Variants in CSTF1 observed in about 807,000 individuals in gnomAD.
CSTF1 encodes the protein cleavage stimulation factor subunit 1, also known as CF-1 50 kDa subunit.
In CSTF1, 2 loss-of-function variants were observed where a neutral mutation model predicts 40.9. The observed-to-expected ratio is 0.05, with a 90% confidence interval of 0.02 to 0.15. The LOEUF (loss-of-function observed/expected upper bound fraction) is 0.15, where lower values mean the gene tolerates loss of function less well. Ranked by LOEUF, CSTF1 falls within the 10% of genes least tolerant of loss-of-function variation. CSTF1 has a pLI of 1.00. For missense variants in CSTF1, 279 were observed against 558.9 expected (o/e 0.50, Z 5.05); for synonymous variants, 218 against 207.2 (o/e 1.05, Z -0.45).
chr20:56,402,238 C>T (rs951085465), intron 5 of CSTF1, among the ~76,000 whole-genome samples: 1 of 147,548 alleles, frequency 6.8e-6, no homozygotes, highest in Admixed American at 6.8e-5. Flanking sequence ...ACCCAGGAGG[C>T]AGAGGTTGCA....
At position 56,399,174 on chromosome 20, in the gene CSTF1, T is replaced by A. The variant is rs762310241; in HGVS notation, c.853T>A (p.Cys285Ser). The A allele has an allele frequency of 6.2e-7, 1 of 1,614,244 alleles. No individual in the cohort carries two copies. Among genetic ancestry groups the A allele is most frequent in the Admixed American group, 1.7e-5 (1 of 60,026 alleles). ...NMYVTGSKDG[C>S]IKLWDGVSNR... is the part of the protein sequence containing the mutation. ...GTACGTAACTGGAAGCAAGGACGGC[T>A]GCATCAAATTATGGGATGGTGTTTC... Residue 285 changes from cysteine to serine, a missense_variant, in exon 5 of 6, where the codon TGC (cysteine) becomes AGC (serine). Coordinates refer to ENST00000217109, the MANE Select transcript of CSTF1 (RefSeq NM_001324.3). This position sits in a 1 kb window ranked among gnomAD's most constrained non-coding sequence, Gnocchi z 4.6.
Position 56,399,959 on chromosome 20 carries a change from A to G in CSTF1, c.1036+602A>G, listed in dbSNP as rs1244135381. Among the ~76,000 whole-genome samples the G allele has an allele frequency of 1.3e-5, 2 of 152,210 alleles. No homozygotes were observed. Among genetic ancestry groups the G allele is most frequent in the Admixed American group, 1.3e-4 (2 of 15,278 alleles). On this transcript the variant is annotated intron_variant, in intron 5 of 5. Transcript: ENST00000217109. The surrounding 1 kb of genome is among the most constrained non-coding windows in gnomAD (Gnocchi z 4.6). Reference sequence around the variant, plus strand: ...ATCCATTTAAATTTATCCTATCACTAGTAGGGCCCAAGTCTGGTTATTTGA... The same window carrying G: ...ATCCATTTAAATTTATCCTATCACTGGTAGGGCCCAAGTCTGGTTATTTGA...
At chr20:56,393,163 C>T (rs6064388) in intron 1 of CSTF1, among the ~76,000 whole-genome samples, 1 of 19,636 alleles carries the variant, frequency 5.1e-5, no homozygotes, top group Non-Finnish European at 1.4e-4. Context: ...TATATATACA[C>T]ACACATATGT....
At position 56,403,511 on chromosome 20, in the gene CSTF1, G is replaced by A. The variant is rs756927104; in HGVS notation, c.1080G>A (p.Val360=). Residue 360 remains valine (V), a synonymous_variant, in exon 6 of 6, where the codon GTG becomes GTA. Transcript: ENST00000217109. ...GCCAGGTGCACCGGACACAGGCTGTGTTTAACCACACCGAGGACTATGTGT... is the reference window on the plus strand; with the variant it reads ...GCCAGGTGCACCGGACACAGGCTGTATTTAACCACACCGAGGACTATGTGT... ...SGRQVHRTQA[V]FNHTEDYVLL... 4.3e-6 allele frequency: 7 copies of A among 1,614,144 alleles called. No homozygotes were observed. Among genetic ancestry groups the A allele is most frequent in the Non-Finnish European group, 5.9e-6 (7 of 1,180,030 alleles).
rs530743151 is a variant in CSTF1, at chr20:56,401,289, CAG to C, written c.1036+1933_1036+1934del. Among the ~76,000 whole-genome samples the C allele has an allele frequency of 4.2e-3, 645 of 152,186 alleles. 4 individuals are homozygous for C. The highest frequency in any genetic ancestry group is 0.015 in the African/African-American group (622 of 41,518). On this transcript the variant is annotated intron_variant, in intron 5 of 5. Coordinates refer to ENST00000217109, the MANE Select transcript of CSTF1 (RefSeq NM_001324.3). Reference sequence around the variant, plus strand: ...ACTCGAGAAAAAAGGAGCCAAAGGACAGGGGGCTGCAGAAGAGAAAAATGGTC... The same window carrying C: ...ACTCGAGAAAAAAGGAGCCAAAGGACGGGGCTGCAGAAGAGAAAAATGGTC...
At position 56,393,168 on chromosome 20, in the gene CSTF1, A is replaced by ACATG. The variant is rs1491479192; in HGVS notation, c.-33+455_-33+456insCATG. ...CACATATACATATATATACACACAC[A>ACATG]TATGTGTGTGTGTGTGTGTGTATGT... On this transcript the variant is annotated intron_variant, in intron 1 of 5. Transcript: ENST00000217109. Among the ~76,000 whole-genome samples the ACATG allele has an allele frequency of 1.6e-4, 17 of 106,026 alleles. 1 individual carries two copies. Among genetic ancestry groups the ACATG allele is most frequent in the African/African-American group, 5.9e-4 (15 of 25,244 alleles). The allele number at this position is 106,026 out of a possible 152,430, so 69.6% of individuals were successfully genotyped here.
rs1978696933 is a variant in CSTF1, at chr20:56,406,188, C to A, written c.*2461C>A. On this transcript the variant is annotated 3_prime_UTR_variant, in exon 6 of 6. Coordinates refer to ENST00000217109, the MANE Select transcript of CSTF1 (RefSeq NM_001324.3). ...TTTTAAAGGTCACAGTGTTGTGAGCCTGGTGTAAATGCCAGGAATATTATA... is the reference window on the plus strand; with the variant it reads ...TTTTAAAGGTCACAGTGTTGTGAGCATGGTGTAAATGCCAGGAATATTATA... The A allele has an allele frequency of 6.6e-6, 1 of 151,970 alleles. No homozygotes were observed. The highest frequency in any genetic ancestry group is 1.5e-5 in the Non-Finnish European group (1 of 68,026). 9.4% of individuals were successfully genotyped at this position (151,970 alleles called of 1,614,324 possible).
Position 56,403,739 on chromosome 20 carries a change from C to T in CSTF1, c.*12C>T, listed in dbSNP as rs181401266. ...CGACCACTGACTGAGCCACCCTCTC[C>T]GTAGGGTTCTTTCTCGAGGACTCTA... On this transcript the variant is annotated 3_prime_UTR_variant, in exon 6 of 6. Coordinates refer to ENST00000217109, the MANE Select transcript of CSTF1 (RefSeq NM_001324.3). The T allele has an allele frequency of 1.8e-4, 283 of 1,604,298 alleles. No individual in the cohort carries two copies. In the African/African-American group the frequency reaches 3.1e-3, roughly 18 times the overall value.
intron 2 of CSTF1, chr20:56,396,032 C>A (rs1038681364): frequency 2.1e-5 from 5 of 235,384 alleles, no homozygotes; most frequent in Middle Eastern, 1.3e-3. Context: ...TCTCTTAACT[C>A]CTCCTAAAAT....
Position 56,397,865 on chromosome 20 carries a change from T to G in CSTF1, c.645+24T>G, listed in dbSNP as rs1326218003. 6.4e-7 allele frequency: 1 copy of G among 1,554,478 alleles called. No homozygotes were observed. The highest frequency in any genetic ancestry group is 1.1e-5 in the South Asian group (1 of 88,470). On this transcript the variant is annotated intron_variant, in intron 4 of 5. Transcript: ENST00000217109. The surrounding 1 kb of genome is among the most constrained non-coding windows in gnomAD (Gnocchi z 4.4). ...AGGTAGGAATCTTTAGAAAGGAGCT[T>G]TACATTTTTTCTTAAATACAATGAG...
At position 56,405,144 on chromosome 20, in the gene CSTF1, T is replaced by C. The variant is rs1978651384; in HGVS notation, c.*1417T>C. ...ATAATCTGGGATCATTTGATAAAAATAGTAAATAGATTGAAGTAAAAGTCA... is the reference window on the plus strand; with the variant it reads ...ATAATCTGGGATCATTTGATAAAAACAGTAAATAGATTGAAGTAAAAGTCA... On this transcript the variant is annotated 3_prime_UTR_variant, in exon 6 of 6. Coordinates refer to ENST00000217109, the MANE Select transcript of CSTF1 (RefSeq NM_001324.3). The C allele has an allele frequency of 6.6e-6, 1 of 152,126 alleles. No homozygotes were observed. Among genetic ancestry groups the C allele is most frequent in the Non-Finnish European group, 1.5e-5 (1 of 68,022 alleles). 9.4% of individuals were successfully genotyped at this position (152,126 alleles called of 1,614,324 possible).
Position 56,399,506 on chromosome 20 carries a change from T to TA in CSTF1, c.1036+150dup, listed in dbSNP as rs1978362038. On this transcript the variant is annotated intron_variant, in intron 5 of 5. Transcript: ENST00000217109. The surrounding 1 kb of genome is among the most constrained non-coding windows in gnomAD (Gnocchi z 4.6). ...TCTTAGATAAGAGGAAACCAAGACT[T>TA]ACAGGTTAAGTCATTTAGCCAAGGC... 6 of 762,154 alleles carry TA rather than the reference T, an allele frequency of 7.9e-6. No homozygotes were observed. In the Middle Eastern group the frequency reaches 1.2e-3, roughly 148 times the overall value. 47.2% of individuals were successfully genotyped at this position (762,154 alleles called of 1,614,324 possible).
At chr20:56,400,017 T>G (rs953906503) in intron 5 of CSTF1, among the ~76,000 whole-genome samples, 8 of 152,230 alleles carry the variant, frequency 5.3e-5, no homozygotes, top group African/African-American at 1.9e-4. Flanking sequence ...TTCTGTTCCT[T>G]GTAGCAGCAA....
chr20:56,399,205 G>A lies in CSTF1; in HGVS notation c.884G>A (p.Arg295Gln), dbSNP rs752004919. 1.2e-6 allele frequency: 2 copies of A among 1,614,168 alleles called. No individual in the cohort carries two copies. Among genetic ancestry groups the A allele is most frequent in the Non-Finnish European group, 1.7e-6 (2 of 1,180,034 alleles). The change falls in exon 5 of 6, where the codon CGA (arginine) becomes CAA (glutamine). Residue 295 changes from arginine (R) to glutamine (Q), a missense_variant. Around this residue, in one of 4 missense-constraint regions of CSTF1, gnomAD observed 162 missense variants for 337.1 expected, o/e 0.48. Transcript: ENST00000217109. This position sits in a 1 kb window ranked among gnomAD's most constrained non-coding sequence, Gnocchi z 4.6. ...AAATTATGGGATGGTGTTTCAAATC[G>A]ATGCATCACAACTTTTGAGAAAGCA... ...CIKLWDGVSN[R>Q]CITTFEKAHD... is the part of the protein sequence containing the mutation.
chr20:56,404,620 A>G lies in CSTF1; in HGVS notation c.*893A>G, dbSNP rs1166065850. 6.6e-6 allele frequency: 1 copy of G among 151,716 alleles called. No homozygotes were observed. The highest frequency in any genetic ancestry group is 1.5e-5 in the Non-Finnish European group (1 of 67,948). 9.4% of individuals were successfully genotyped at this position (151,716 alleles called of 1,614,324 possible). ...CTCAGAAGATTTATGCAGTTAACCA[A>G]TTGATACAAGTTTTCTTTTTCTTGA... On this transcript the variant is annotated 3_prime_UTR_variant, in exon 6 of 6. Transcript: ENST00000217109.
Position 56,403,831 on chromosome 20 carries a change from G to T in CSTF1, c.*104G>T. On this transcript the variant is annotated 3_prime_UTR_variant, in exon 6 of 6. Coordinates refer to ENST00000217109, the MANE Select transcript of CSTF1 (RefSeq NM_001324.3). ...CGTGCACCATCCTTGACGTTTTGCT[G>T]CCACCTCTGTCCACATTCTTCTTGG... 8.8e-7 allele frequency: 1 copy of T among 1,140,348 alleles called. No individual in the cohort carries two copies. Among genetic ancestry groups the T allele is most frequent in the Non-Finnish European group, 1.3e-6 (1 of 794,720 alleles). 70.6% of individuals were successfully genotyped at this position (1,140,348 alleles called of 1,614,324 possible). A position where few individuals can be genotyped will look rare whatever the true frequency, so the allele number is the denominator to read the frequency against.
chr20:56,397,091 A>G lies in CSTF1; in HGVS notation c.170-116A>G. On this transcript the variant is annotated intron_variant, in intron 2 of 5. Coordinates refer to ENST00000217109, the MANE Select transcript of CSTF1 (RefSeq NM_001324.3). This position sits in a 1 kb window ranked among gnomAD's most constrained non-coding sequence, Gnocchi z 4.4. ...AAGTGTTAGGTGTCACGCGGCTCCAAGAAATAGGAGGTTGACACTGGTGAG... is the reference window on the plus strand; with the variant it reads ...AAGTGTTAGGTGTCACGCGGCTCCAGGAAATAGGAGGTTGACACTGGTGAG... 8.7e-7 allele frequency: 1 copy of G among 1,154,734 alleles called. No homozygotes were observed. Among genetic ancestry groups the G allele is most frequent in the Non-Finnish European group, 1.2e-6 (1 of 814,720 alleles). The allele number at this position is 1,154,734 out of a possible 1,614,324, so 71.5% of individuals were successfully genotyped here. A position where few individuals can be genotyped will look rare whatever the true frequency, so the allele number is the denominator to read the frequency against.
In CSTF1 at chr20:56,397,901, A is replaced by G. The variant is rs1013869728; in HGVS notation, c.645+60A>G. On this transcript the variant is annotated intron_variant, in intron 4 of 5. Transcript: ENST00000217109. This position sits in a 1 kb window ranked among gnomAD's most constrained non-coding sequence, Gnocchi z 4.4. Reference sequence around the variant, plus strand: ...CTTAAATACAATGAGCTATTGTACAACTATTCTCTTTTTAAAAGTAGTCTC... The same window carrying G: ...CTTAAATACAATGAGCTATTGTACAGCTATTCTCTTTTTAAAAGTAGTCTC... The G allele has an allele frequency of 4.6e-6, 6 of 1,318,656 alleles. No homozygotes were observed. Among genetic ancestry groups the G allele is most frequent in the Non-Finnish European group, 5.4e-6 (5 of 929,596 alleles). 81.7% of individuals were successfully genotyped at this position (1,318,656 alleles called of 1,614,324 possible). A position where few individuals can be genotyped will look rare whatever the true frequency, so the allele number is the denominator to read the frequency against.
intron 1 of CSTF1, among the ~76,000 whole-genome samples, chr20:56,393,516 A>G (rs149485257): frequency 6.6e-6 from 1 of 152,054 alleles, no homozygotes; most frequent in Non-Finnish European, 1.5e-5. Flanking sequence ...GTAACTGAAC[A>G]TTGTCCATGG....
Sources: allele counts gnomAD v4.1 joint callset (sites outside exome capture counted in the v4.1 genomes callset), GRCh38; gene constraint gnomAD v4.1.1; regional missense constraint gnomAD v4.1.1; non-coding constraint Gnocchi (gnomAD v3.1); transcripts MANE v1.5; gene names NCBI Gene and HGNC (gene_info 2026-07-23, HGNC 2026-07-21).